Variants in SPIN1 observed in about 807,000 individuals in gnomAD.
The protein encoded by SPIN1 is spindlin 1.
Under a neutral mutation model 26.0 loss-of-function variants are expected in SPIN1, and 3 were observed. The ratio of observed to expected loss-of-function variants is 0.12; its 90% CI spans 0.05 to 0.30. The LOEUF (loss-of-function observed/expected upper bound fraction) is 0.30, where lower values mean the gene tolerates loss of function less well. Among genes scored for constraint, SPIN1 ranks in the 10% least tolerant of loss-of-function variants. The pLI, the probability that SPIN1 is intolerant of heterozygous loss-of-function variation, is 1.00. For synonymous variants in SPIN1, 101 were observed against 116.5 expected, an observed-to-expected ratio of 0.87 and a Z score of 0.86; for missense variants, 126 against 333.4, an observed-to-expected ratio of 0.38 and a Z score of 4.84.
chr9:88,447,302 G>A (rs1306511817), intron 2 of SPIN1, among the ~76,000 whole-genome samples: 2 of 151,872 alleles, frequency 1.3e-5, no homozygotes, highest in African/African-American at 4.8e-5. Context: ...ATTTATTAAT[G>A]TTGTCAATGT....
At position 88,462,088 on chromosome 9, in the gene SPIN1, CTA is replaced by C. The variant is rs1491317916; in HGVS notation, c.102-403_102-402del. ...AACTTGAAGTAGATATTATATAAAA[CTA>C]TATACCTGTGTGATTATTGATAACA... On this transcript the variant is annotated intron_variant, in intron 3 of 5. Transcript: ENST00000375859. Among the ~76,000 whole-genome samples the C allele has an allele frequency of 5.9e-5, 9 of 152,314 alleles. No homozygotes were observed. The East Asian group carries it at 1.7e-3, about 29-fold the overall frequency.
intron 1 of SPIN1, among the ~76,000 whole-genome samples, chr9:88,410,188 T>TGCGC (rs1554692370): frequency 1.7e-4 from 24 of 142,874 alleles, no homozygotes; most frequent in African/African-American, 6.7e-4. Flanking sequence ...TGTGTGTGTG[T>TGCGC]GCAACTTTTT....
intron 1 of SPIN1, chr9:88,391,320 A>G (rs538006118): frequency 3.2e-5 from 5 of 154,704 alleles, no homozygotes; most frequent in East Asian, 3.5e-4. Context: ...AACCTAATAC[A>G]TAAAATTACC....
In SPIN1 at chr9:88,475,348, G is replaced by A. The variant is rs1413893743; in HGVS notation, c.*71G>A. 2 of 1,491,602 alleles carry A rather than the reference G, an allele frequency of 1.3e-6. No individual in the cohort carries two copies. The highest frequency in any genetic ancestry group is 1.9e-5 in the Admixed American group (1 of 53,962). The allele number at this position is 1,491,602 out of a possible 1,614,324, so 92.4% of individuals were successfully genotyped here. A position where few individuals can be genotyped will look rare whatever the true frequency, so the allele number is the denominator to read the frequency against. On this transcript the variant is annotated 3_prime_UTR_variant, in exon 6 of 6. Transcript: ENST00000375859. ...TATTTGTAGACATAAAGACTTGATTGCTTTCCAGTTTAATGAAAGCTTAAA... is the reference window on the plus strand; with the variant it reads ...TATTTGTAGACATAAAGACTTGATTACTTTCCAGTTTAATGAAAGCTTAAA...
At chr9:88,471,578 C>A (rs187598727) in intron 5 of SPIN1, among the ~76,000 whole-genome samples, 2 of 133,628 alleles carry the variant, frequency 1.5e-5, no homozygotes, top group African/African-American at 5.7e-5. Context: ...TCGCTTGAAC[C>A]TGGGAAGTGG....
chr9:88,397,495 G>C (rs2117885289), intron 1 of SPIN1, among the ~76,000 whole-genome samples: 1 of 152,076 alleles, frequency 6.6e-6, no homozygotes, highest in East Asian at 1.9e-4. Context: ...GTTATTCCTG[G>C]TCTTTAGAGT....
intron 1 of SPIN1, among the ~76,000 whole-genome samples, chr9:88,409,424 G>A (rs539385966): frequency 1.6e-3 from 241 of 151,732 alleles, no homozygotes; most frequent in Non-Finnish European, 2.7e-3. Context: ...GAATAATTTC[G>A]GGTCTAGGAT....
At chr9:88,471,673 A>G (rs1242577295) in intron 5 of SPIN1, among the ~76,000 whole-genome samples, 2 of 151,164 alleles carry the variant, frequency 1.3e-5, no homozygotes, top group African/African-American at 2.4e-5. Flanking sequence ...AAAAAAAAAA[A>G]AAAAAAGAAA....
chr9:88,391,729 C>G (rs1176166439), intron 1 of SPIN1: 3 of 152,156 alleles, frequency 2.0e-5, no homozygotes, highest in African/African-American at 4.8e-5. Context: ...TTATTGACAT[C>G]TCTGAGCAGA....
At chr9:88,434,827 C>T (rs1220624613) in intron 2 of SPIN1, among the ~76,000 whole-genome samples, 9 of 152,160 alleles carry the variant, frequency 5.9e-5, no homozygotes, top group East Asian at 5.8e-4. Flanking sequence ...GAGGCCGAAG[C>T]GGGTGGGTCA....
At chr9:88,449,678 A>G (rs1000861127) in intron 3 of SPIN1, among the ~76,000 whole-genome samples, 3 of 152,126 alleles carry the variant, frequency 2.0e-5, no homozygotes. Flanking sequence ...ATTATATCTA[A>G]TAGATTTCAC....
rs142072332 is a variant in SPIN1, at chr9:88,420,104, G to A, written c.-158-6278G>A. ...AAAGAGTTTTATTCAGGCCAGGCGC[G>A]GTGGCTCATGCCTGTAATCCCAGCA... On this transcript the variant is annotated intron_variant, in intron 1 of 5. Transcript: ENST00000375859. Among the ~76,000 whole-genome samples, 79 of 152,324 alleles carry A rather than the reference G, an allele frequency of 5.2e-4. 1 individual carries two copies. Among genetic ancestry groups the A allele is most frequent in the African/African-American group, 1.9e-3 (77 of 41,576 alleles).
chr9:88,470,592 G>C (rs59247494), intron 5 of SPIN1, among the ~76,000 whole-genome samples: 13 of 127,456 alleles, frequency 1.0e-4, no homozygotes, highest in African/African-American at 4.3e-4. Flanking sequence ...ATGCTTATTG[G>C]CCCCCCCCCT....
At chr9:88,407,848 C>T (rs1827343167) in intron 1 of SPIN1, among the ~76,000 whole-genome samples, 1 of 151,550 alleles carries the variant, frequency 6.6e-6, no homozygotes, top group Non-Finnish European at 1.5e-5. Context: ...GCACCCTCCA[C>T]CTCCCAGGCT....
intron 1 of SPIN1, among the ~76,000 whole-genome samples, chr9:88,395,330 A>G (rs1259027329): frequency 4.0e-5 from 6 of 150,100 alleles, no homozygotes; most frequent in African/African-American, 1.2e-4. Flanking sequence ...CACAATAGGC[A>G]GCGTTCTATG....
In SPIN1 at chr9:88,394,477, C is replaced by T. The variant is rs529048524; in HGVS notation, c.-159+5939C>T. Among the ~76,000 whole-genome samples, 27 of 152,276 alleles carry T rather than the reference C, an allele frequency of 1.8e-4. No homozygotes were observed. In the South Asian group the frequency reaches 5.2e-3, roughly 29 times the overall value. ...ATTTTGATTTTTATATTGGTATTTC[C>T]AGTTCGAATTTAACATCACAGAGTT... On this transcript the variant is annotated intron_variant, in intron 1 of 5. Transcript: ENST00000375859.
intron 2 of SPIN1, among the ~76,000 whole-genome samples, chr9:88,437,862 C>T (rs1828038653): frequency 6.6e-6 from 1 of 151,996 alleles, no homozygotes; most frequent in Non-Finnish European, 1.5e-5. Flanking sequence ...AGATTATTGA[C>T]TTTAGATCTT....
At chr9:88,411,317 G>A in intron 1 of SPIN1, 3 of 1,410,250 alleles carry the variant, frequency 2.1e-6, no homozygotes, top group Non-Finnish European at 3.0e-6. Context: ...CTTGGTGTTT[G>A]GATCTCTCAT....
intron 1 of SPIN1, among the ~76,000 whole-genome samples, chr9:88,424,551 A>T (rs750593000): frequency 3.3e-5 from 5 of 152,192 alleles, no homozygotes; most frequent in Non-Finnish European, 5.9e-5. Context: ...TAATAAGGGA[A>T]GTTAGTCCCT....
Sources: gnomAD v4.1 joint callset for allele counts (sites outside exome capture counted in the v4.1 genomes callset) on GRCh38, gnomAD v4.1.1 for gene constraint, MANE v1.5 for transcripts, NCBI Gene and HGNC (gene_info 2026-07-23, HGNC 2026-07-21) for gene names.